Variants in CLIC2 observed in about 807,000 individuals in gnomAD.
CLIC2 encodes the protein CLIC family member 2.
In CLIC2, 9 loss-of-function variants were observed where a neutral mutation model predicts 14.8. The ratio of observed to expected loss-of-function variants is 0.61; its 90% CI spans 0.37 to 1.06. CLIC2 has a LOEUF of 1.06. Ranked by LOEUF, CLIC2 falls within the 50% of genes least tolerant of loss-of-function variation. The pLI, the probability that CLIC2 is intolerant of heterozygous loss-of-function variation, is 0.01. For missense variants in CLIC2, 148 were observed against 181.4 expected, an observed-to-expected ratio of 0.82 and a Z score of 1.06; for synonymous variants, 61 against 66.3, an observed-to-expected ratio of 0.92 and a Z score of 0.39.
At chrX:155,322,324 A>C (rs1157806661) in intron 1 of CLIC2, among the ~76,000 whole-genome samples, 1 of 111,882 alleles carries the variant, frequency 8.9e-6, no homozygotes, top group East Asian at 2.8e-4. Flanking sequence ...ACTCCTCAGC[A>C]AATGCAAAAG....
chrX:155,291,023 T>A, intron 3 of CLIC2: 1 of 718,591 alleles, frequency 1.4e-6, no homozygotes, highest in African/African-American at 2.1e-5. Context: ...ATACTTCATC[T>A]TTAACGTGGC....
In CLIC2 at chrX:155,301,385, T is replaced by C. The variant is rs185821965; in HGVS notation, c.58-2240A>G. Among the ~76,000 whole-genome samples the C allele has an allele frequency of 6.0e-3, 660 of 110,917 alleles. 3 individuals are homozygous for C. The highest frequency in any genetic ancestry group is 0.02 in the African/African-American group (609 of 30,504). ...CATGATTTGGCTCTCTGTTTGTCTG[T>C]TGTTGGTGTATAAGAATGCCTGTGA... On this transcript the variant is annotated intron_variant, in intron 1 of 5. Transcript: ENST00000369449.
In CLIC2 at chrX:155,313,112, G is replaced by A. The variant is rs781988405; in HGVS notation, c.58-13967C>T. 1.1e-4 allele frequency among the ~76,000 whole-genome samples: 12 copies of A among 108,089 alleles called. No individual in the cohort carries two copies. The South Asian group carries it at 1.3e-3, about 12-fold the overall frequency. The allele number at this position is 108,089 out of a possible 115,157, so 93.9% of individuals were successfully genotyped here. A position where few individuals can be genotyped will look rare whatever the true frequency, so the allele number is the denominator to read the frequency against. On this transcript the variant is annotated intron_variant, in intron 1 of 5. Coordinates refer to ENST00000369449, the MANE Select transcript of CLIC2 (RefSeq NM_001289.6). ...CAATCCTAGCACTTTGGGATGCCAC[G>A]GAGGGAGGATGGATCACTTGAGCCC...
rs1290722511 is a variant in CLIC2, at chrX:155,280,019, T to C, written c.343A>G (p.Asn115Asp). Residue 115 changes from asparagine to aspartate, a missense_variant, in exon 4 of 6, where the codon AAC becomes GAC. Coordinates refer to ENST00000369449, the MANE Select transcript of CLIC2 (RefSeq NM_001289.6). ...TATGCAGAAAACTTGGCAAAGAGGTTACAGCCCACATCAAAAGACTCCTTG... is the reference window on the plus strand; with the variant it reads ...TATGCAGAAAACTTGGCAAAGAGGTCACAGCCCACATCAAAAGACTCCTTG... ...KYKESFDVGC[N>D]LFAKFSAYIK... The C allele has an allele frequency of 2.5e-6, 3 of 1,208,667 alleles. No homozygotes were observed. In the African/African-American group the frequency reaches 5.2e-5, roughly 21 times the overall value.
intron 1 of CLIC2, among the ~76,000 whole-genome samples, chrX:155,333,315 T>C (rs1198136135): frequency 1.8e-5 from 2 of 111,102 alleles, no homozygotes; most frequent in Admixed American, 9.6e-5. Context: ...TATCTAGAAA[T>C]GATGAGAACA....
chrX:155,291,314 T>C, intron 3 of CLIC2: 2 of 903,499 alleles, frequency 2.2e-6, no homozygotes, highest in South Asian at 3.9e-5. Flanking sequence ...GTACTTTCCA[T>C]TTCTGGCTCT....
chrX:155,291,364 G>A (rs2074964192), intron 3 of CLIC2: 1 of 751,202 alleles, frequency 1.3e-6, no homozygotes, highest in Non-Finnish European at 2.1e-6. Context: ...TTGGATGCAG[G>A]TCTGGTGGGA....
chrX:155,292,418 TAC>T (rs782395767), intron 3 of CLIC2: 3 of 557,913 alleles, frequency 5.4e-6, no homozygotes, highest in East Asian at 6.6e-5. Flanking sequence ...GTCAACGAAT[TAC>T]AGACCATTAC....
intron 1 of CLIC2, among the ~76,000 whole-genome samples, chrX:155,304,750 G>T (rs1476993114): frequency 2.3e-5 from 2 of 87,450 alleles, no homozygotes; most frequent in African/African-American, 7.4e-5. Flanking sequence ...ATGTACAGAT[G>T]GGTTTTTGGT....
At position 155,297,860 on chromosome X, in the gene CLIC2, CAAAAAAAAA is replaced by C. The variant is rs200891873; in HGVS notation, c.293+916_293+924del. ...GGGCGACAGAGCGAGACTCCGGTCT[CAAAAAAAAA>C]AAAAAAAAAAAAAAAAAGAAGGTGA... On this transcript the variant is annotated intron_variant, in intron 3 of 5. Coordinates refer to ENST00000369449, the MANE Select transcript of CLIC2 (RefSeq NM_001289.6). 3.9e-4 allele frequency among the ~76,000 whole-genome samples: 2 copies of C among 5,123 alleles called. 1 individual carries two copies. Among genetic ancestry groups the C allele is most frequent in the Admixed American group, 6.9e-3 (2 of 289 alleles). The allele number at this position is 5,123 out of a possible 115,157, so 4.4% of individuals were successfully genotyped here. A position where few individuals can be genotyped will look rare whatever the true frequency, so the allele number is the denominator to read the frequency against.
intron 3 of CLIC2, among the ~76,000 whole-genome samples, chrX:155,283,448 A>ACTT (rs1267696902): frequency 9.0e-6 from 1 of 110,668 alleles, no homozygotes; most frequent in East Asian, 2.8e-4. Context: ...TTTTTATTAT[A>ACTT]CTTTAAGTTC....
chrX:155,288,685 G>C (rs1305314566), intron 3 of CLIC2, among the ~76,000 whole-genome samples: 8 of 111,398 alleles, frequency 7.2e-5, no homozygotes, highest in African/African-American at 9.8e-5. Context: ...TATTTTGCAT[G>C]TTTAAATACT....
chrX:155,306,970 T>A (rs2075057954), intron 1 of CLIC2, among the ~76,000 whole-genome samples: 1 of 111,681 alleles, frequency 9.0e-6, no homozygotes, highest in Non-Finnish European at 1.9e-5. Context: ...TTGAAAACAC[T>A]TTTTCTGCTT....
intron 1 of CLIC2, among the ~76,000 whole-genome samples, chrX:155,301,059 G>A (rs1271838456): frequency 4.0e-5 from 2 of 50,011 alleles, no homozygotes; most frequent in Admixed American, 2.2e-4. Flanking sequence ...TTTGTGATGC[G>A]GGCTCTTTTT....
chrX:155,278,189 A>C (rs2074905477), intron 5 of CLIC2, 125 bp from the exon 6 acceptor site: 1 of 560,265 alleles, frequency 1.8e-6, no homozygotes, highest in African/African-American at 2.3e-5. Context: ...TATAAAATAA[A>C]CTATGAAGTA....
intron 3 of CLIC2, among the ~76,000 whole-genome samples, chrX:155,286,828 T>G (rs2074944783): frequency 8.9e-6 from 1 of 112,424 alleles, no homozygotes; most frequent in Non-Finnish European, 1.9e-5. Flanking sequence ...ATTTTTTTCT[T>G]GTAAATTTAT....
At chrX:155,313,849 G>A (rs782068860) in intron 1 of CLIC2, among the ~76,000 whole-genome samples, 1 of 112,177 alleles carries the variant, frequency 8.9e-6, no homozygotes, top group South Asian at 3.7e-4. Flanking sequence ...AGGGGGCACA[G>A]TGGGAGTAAG....
rs1557315945 is a variant in CLIC2, at chrX:155,277,876, A to G, written c.*27T>C. The G allele has an allele frequency of 8.5e-7, 1 of 1,176,456 alleles. No individual in the cohort carries two copies. Among genetic ancestry groups the G allele is most frequent in the Non-Finnish European group, 1.2e-6 (1 of 865,412 alleles). On this transcript the variant is annotated 3_prime_UTR_variant, in exon 6 of 6. Coordinates refer to ENST00000369449, the MANE Select transcript of CLIC2 (RefSeq NM_001289.6). The stretch of plus-strand genomic sequence containing the variant: ...CAATAAGTAAAATCTGATCACAAAT[A>G]TAGCCTTGTCTCCTGTAAGAGCTCT...
At position 155,276,555 on chromosome X, in the gene CLIC2, T is replaced by C. The variant is rs782696400; in HGVS notation, c.*1348A>G. On this transcript the variant is annotated 3_prime_UTR_variant, in exon 6 of 6. Transcript: ENST00000369449. ...CTCCCTAGCCCCTGGTAACCACGAT[T>C]CTACCCTCTACTTGTGTGAGATCAA... The C allele has an allele frequency of 1.8e-5, 2 of 111,586 alleles. No homozygotes were observed. Among genetic ancestry groups the C allele is most frequent in the East Asian group, 5.6e-4 (2 of 3,546 alleles). The allele number at this position is 111,586 out of a possible 1,213,427, so 9.2% of individuals were successfully genotyped here.
Sources: gnomAD v4.1 joint callset for allele counts (sites outside exome capture counted in the v4.1 genomes callset) on GRCh38, gnomAD v4.1.1 for gene constraint, MANE v1.5 for transcripts, NCBI Gene and HGNC (gene_info 2026-07-23, HGNC 2026-07-21) for gene names.